The following LRMDA variants were observed in gnomAD, a reference collection of about 807,000 sequenced individuals.
The protein encoded by LRMDA is leucine rich melanocyte differentiation associated, also known as leucine-rich melanocyte differentiation-associated protein.
Under a neutral mutation model 29.8 loss-of-function variants are expected in LRMDA, and 18 were observed. The observed-to-expected ratio is 0.60, with a 90% confidence interval of 0.42 to 0.90. LRMDA has a LOEUF of 0.90. Among genes scored for constraint, LRMDA ranks in the 40% least tolerant of loss-of-function variants. The pLI, the probability that LRMDA is intolerant of heterozygous loss-of-function variation, is 0.00. For synonymous variants in LRMDA, 125 were observed against 109.4 expected, an observed-to-expected ratio of 1.14 and a Z score of -0.89; for missense variants, 273 against 273.9, an observed-to-expected ratio of 1.00 and a Z score of 0.02.
At chr10:76,186,502 C>T (rs1045559707) in intron 5 of LRMDA, among the ~76,000 whole-genome samples, 1 of 152,218 alleles carries the variant, frequency 6.6e-6, no homozygotes, top group Non-Finnish European at 1.5e-5. Context: ...TCCTCTTGAG[C>T]ATTTTGAGCC....
intron 5 of LRMDA, among the ~76,000 whole-genome samples, chr10:76,259,751 G>T (rs1839909786): frequency 6.6e-6 from 1 of 152,034 alleles, no homozygotes; most frequent in Non-Finnish European, 1.5e-5. Context: ...GTATATATCA[G>T]TGTTCTGGTG....
Position 75,661,527 on chromosome 10 carries a change from A to T in LRMDA, c.131+223033A>T, listed in dbSNP as rs966907535. Reference sequence around the variant, plus strand: ...ACCGTACTTTGAGTAGCAAGGAGCTAGTTGGTTGATGAGAACCAAGGTCCT... The same window carrying T: ...ACCGTACTTTGAGTAGCAAGGAGCTTGTTGGTTGATGAGAACCAAGGTCCT... On this transcript the variant is annotated intron_variant, in intron 2 of 6. Coordinates refer to ENST00000611255, the MANE Select transcript of LRMDA (RefSeq NM_001305581.2). Among the ~76,000 whole-genome samples, 5 of 152,206 alleles carry T rather than the reference A, an allele frequency of 3.3e-5. No individual in the cohort carries two copies. The South Asian group carries it at 8.3e-4, about 25-fold the overall frequency.
At chr10:76,516,015 T>C (rs867161788) in intron 6 of LRMDA, among the ~76,000 whole-genome samples, 4 of 152,236 alleles carry the variant, frequency 2.6e-5, no homozygotes, top group Middle Eastern at 6.8e-3. Context: ...GGGATATGAA[T>C]AAAAAACTCC....
At chr10:76,189,065 T>C (rs1395382853) in intron 5 of LRMDA, among the ~76,000 whole-genome samples, 1 of 152,036 alleles carries the variant, frequency 6.6e-6, no homozygotes, top group Non-Finnish European at 1.5e-5. Context: ...TGAAAGAAAA[T>C]GTTTTTATTA....
At chr10:76,477,918 G>C (rs1016090575) in intron 6 of LRMDA, among the ~76,000 whole-genome samples, 24 of 152,090 alleles carry the variant, frequency 1.6e-4, no homozygotes, top group Non-Finnish European at 3.1e-4. Context: ...GGATTAAAGA[G>C]TTAAATGTTA....
chr10:75,864,589 G>C (rs1001971522), intron 2 of LRMDA, among the ~76,000 whole-genome samples: 4 of 152,290 alleles, frequency 2.6e-5, no homozygotes, highest in East Asian at 1.9e-4. Context: ...TTGGGTGCAA[G>C]ACTGTGTTTT....
intron 2 of LRMDA, among the ~76,000 whole-genome samples, chr10:75,784,216 A>G (rs551433677): frequency 6.6e-6 from 1 of 152,344 alleles, no homozygotes; most frequent in South Asian, 2.1e-4. Context: ...TGGCTATGTG[A>G]CTGCAGGTAA....
At chr10:75,930,201 T>C (rs2132399346) in intron 2 of LRMDA, among the ~76,000 whole-genome samples, 1 of 152,336 alleles carries the variant, frequency 6.6e-6, no homozygotes, top group Admixed American at 6.5e-5. Context: ...GACTAAGATC[T>C]TGTATAAACA....
intron 2 of LRMDA, among the ~76,000 whole-genome samples, chr10:75,619,045 C>T (rs1477717038): frequency 6.6e-6 from 1 of 152,114 alleles, no homozygotes; most frequent in African/African-American, 2.4e-5. Flanking sequence ...GATCTGCCCA[C>T]CTCGGCCTCC....
intron 2 of LRMDA, among the ~76,000 whole-genome samples, chr10:75,769,968 G>C (rs141078868): frequency 6.6e-6 from 1 of 152,088 alleles, no homozygotes; most frequent in Non-Finnish European, 1.5e-5. Context: ...GGATGACAGA[G>C]CTAGACTCTG....
At chr10:76,532,157 C>T (rs996417072) in intron 6 of LRMDA, among the ~76,000 whole-genome samples, 6 of 152,108 alleles carry the variant, frequency 3.9e-5, no homozygotes, top group Non-Finnish European at 2.9e-5. Context: ...GGTATTTCTC[C>T]TAATGCTATC....
chr10:75,965,535 C>A (rs1846843654), intron 2 of LRMDA, among the ~76,000 whole-genome samples: 1 of 152,066 alleles, frequency 6.6e-6, no homozygotes, highest in South Asian at 2.1e-4. Flanking sequence ...ATCCCAATTC[C>A]ATGAGTGGGC....
At chr10:75,749,304 A>G (rs894426242) in intron 2 of LRMDA, among the ~76,000 whole-genome samples, 4 of 152,192 alleles carry the variant, frequency 2.6e-5, no homozygotes, top group African/African-American at 4.8e-5. Flanking sequence ...CTTCTGGTCA[A>G]TAATAGACTA....
intron 5 of LRMDA, among the ~76,000 whole-genome samples, chr10:76,199,921 A>G (rs1851397008): frequency 1.3e-5 from 2 of 152,210 alleles, no homozygotes; most frequent in South Asian, 4.1e-4. Context: ...ACACCGATCA[A>G]TTAAAAATAC....
chr10:76,374,893 G>A (rs571260863), intron 6 of LRMDA, among the ~76,000 whole-genome samples: 2 of 152,230 alleles, frequency 1.3e-5, no homozygotes, highest in Non-Finnish European at 2.9e-5. Flanking sequence ...TGGAGATTCA[G>A]AATGTCTTTT....
intron 2 of LRMDA, among the ~76,000 whole-genome samples, chr10:75,748,050 A>G (rs1438642233): frequency 6.6e-6 from 1 of 152,122 alleles, no homozygotes; most frequent in Non-Finnish European, 1.5e-5. Context: ...TTTGCTATTT[A>G]TCATCATACT....
chr10:75,673,682 A>C (rs1447996080), intron 2 of LRMDA, among the ~76,000 whole-genome samples: 1 of 152,202 alleles, frequency 6.6e-6, no homozygotes, highest in Non-Finnish European at 1.5e-5. Context: ...AGGGTAACAA[A>C]TTGGGTGTAG....
At chr10:76,150,840 C>T (rs1413673237) in intron 5 of LRMDA, among the ~76,000 whole-genome samples, 1 of 152,200 alleles carries the variant, frequency 6.6e-6, no homozygotes, top group Non-Finnish European at 1.5e-5. Context: ...TGCGAAAAGA[C>T]GTTAAAACTT....
intron 6 of LRMDA, among the ~76,000 whole-genome samples, chr10:76,326,398 T>G (rs1840834205): frequency 6.6e-6 from 1 of 152,226 alleles, no homozygotes; most frequent in African/African-American, 2.4e-5. Context: ...ATTTCAAGTT[T>G]CTGATCATGT....
Sources: gnomAD v4.1 joint callset for allele counts (sites outside exome capture counted in the v4.1 genomes callset) on GRCh38, gnomAD v4.1.1 for gene constraint, MANE v1.5 for transcripts, NCBI Gene and HGNC (gene_info 2026-07-23, HGNC 2026-07-21) for gene names.